The following MYLK variants were observed in gnomAD, a reference collection of about 807,000 sequenced individuals.
The protein encoded by MYLK is myosin light chain kinase, smooth muscle.
Under a neutral mutation model 203.4 loss-of-function variants are expected in MYLK, and 106 were observed. That is an observed-to-expected ratio of 0.52 (90% CI 0.45 to 0.61). The LOEUF (loss-of-function observed/expected upper bound fraction) is 0.61, where lower values mean the gene tolerates loss of function less well. MYLK is among the 20% of genes least tolerant of loss of function. The pLI is 0.00. For synonymous variants in MYLK, 867 were observed against 959.5 expected (o/e 0.90, Z 1.78); for missense variants, 2,072 against 2,442.3 (o/e 0.85, Z 3.20).
chr3:123,683,632 CCTCTCTGCT>C, intron 19 of MYLK, among the ~76,000 whole-genome samples: 1 of 152,198 alleles, frequency 6.6e-6, no homozygotes, highest in African/African-American at 2.4e-5. Context: ...GTGCCTGCCT[CCTCTCTGCT>C]ATGGGTAATC....
intron 15 of MYLK, 147 bp from the exon 16 acceptor site, chr3:123,708,150 T>C (rs1164806690): frequency 3.7e-5 from 42 of 1,129,702 alleles, no homozygotes; most frequent in Non-Finnish European, 5.2e-5. Context: ...GATACACAAA[T>C]GCAGCACACC....
At chr3:123,791,756 A>G (rs1013917497) in intron 4 of MYLK, among the ~76,000 whole-genome samples, 16 of 152,264 alleles carry the variant, frequency 1.1e-4, no homozygotes, top group African/African-American at 3.6e-4. Context: ...ATTTTCACAT[A>G]GAAAAAGCTA....
intron 3 of MYLK, among the ~76,000 whole-genome samples, chr3:123,809,667 T>C (rs568144131): frequency 2.0e-5 from 3 of 152,252 alleles, no homozygotes; most frequent in Admixed American, 6.5e-5. Flanking sequence ...AGACACACTA[T>C]CCTAAACCTC....
intron 16 of MYLK, among the ~76,000 whole-genome samples, chr3:123,703,779 T>C (rs2061344109): frequency 6.6e-6 from 1 of 152,218 alleles, no homozygotes; most frequent in South Asian, 2.1e-4. Flanking sequence ...TGGGTTGACA[T>C]GGAGCAGGAA....
intron 20 of MYLK, among the ~76,000 whole-genome samples, chr3:123,668,358 T>C (rs1170575131): frequency 2.0e-5 from 3 of 152,224 alleles, no homozygotes; most frequent in Non-Finnish European, 4.4e-5. Flanking sequence ...ACACAGAACA[T>C]GGATGAATCT....
intron 5 of MYLK, among the ~76,000 whole-genome samples, chr3:123,746,379 C>A (rs1273244013): frequency 1.3e-5 from 2 of 151,878 alleles, no homozygotes; most frequent in Non-Finnish European, 2.9e-5. Flanking sequence ...AAGCCTAAAT[C>A]TACCAAAGGC....
chr3:123,812,763 C>G (rs768280295), intron 3 of MYLK, among the ~76,000 whole-genome samples: 1 of 152,210 alleles, frequency 6.6e-6, no homozygotes. Context: ...ACGGCTTCTC[C>G]GTTGACTGGG....
intron 13 of MYLK, among the ~76,000 whole-genome samples, chr3:123,720,562 C>T (rs1223471592): frequency 6.6e-6 from 1 of 152,220 alleles, no homozygotes. Context: ...ACAAGGTTCT[C>T]AGCAGTTCAG....
chr3:123,804,224 T>C (rs752562733), intron 3 of MYLK, among the ~76,000 whole-genome samples: 74 of 152,176 alleles, frequency 4.9e-4, no homozygotes, highest in Non-Finnish European at 8.5e-4. Flanking sequence ...ATTTGAGTTA[T>C]TTTGAAACAG....
At chr3:123,844,821 T>C (rs2066673618) in intron 2 of MYLK, among the ~76,000 whole-genome samples, 1 of 76,088 alleles carries the variant, frequency 1.3e-5, no homozygotes, top group Non-Finnish European at 2.4e-5. Flanking sequence ...TCTCCTCAGT[T>C]GTTTTTTTTT....
chr3:123,812,213 C>T (rs577819441), intron 3 of MYLK, among the ~76,000 whole-genome samples: 65 of 152,142 alleles, frequency 4.3e-4, no homozygotes, highest in Non-Finnish European at 6.9e-4. Context: ...GGCTTCATCC[C>T]GCTCTGCTTC....
rs2057230708 is a variant in MYLK at position 123,610,781 on chromosome 3, A to T, written c.*3324T>A. 2 of 152,270 alleles carry T rather than the reference A, an allele frequency of 1.3e-5. No homozygotes were observed. Among genetic ancestry groups the T allele is most frequent in the African/African-American group, 4.8e-5 (2 of 41,482 alleles). 9.4% of individuals were successfully genotyped at this position (152,270 alleles called of 1,614,324 possible). A position where few individuals can be genotyped will look rare whatever the true frequency, so the allele number is the denominator to read the frequency against. On this transcript the variant is annotated 3_prime_UTR_variant, in exon 34 of 34. Coordinates refer to ENST00000360304, the MANE Select transcript of MYLK (RefSeq NM_053025.4). Reference sequence around the variant, plus strand: ...TTACCTCCTATGTACTTATTAGCACAGATTTATCAAAAACAGGTGAGGTGT... The same window carrying T: ...TTACCTCCTATGTACTTATTAGCACTGATTTATCAAAAACAGGTGAGGTGT...
At chr3:123,773,039 T>C (rs2108993269) in intron 4 of MYLK, among the ~76,000 whole-genome samples, 1 of 152,226 alleles carries the variant, frequency 6.6e-6, no homozygotes, top group African/African-American at 2.4e-5. Context: ...TTAGGAATTA[T>C]CAAAGATGTC....
chr3:123,653,958 C>T (rs115069569), intron 24 of MYLK, among the ~76,000 whole-genome samples: 1,991 of 151,922 alleles, frequency 0.013, 38 homozygotes, highest in Non-Finnish European at 0.02. Context: ...CTCTATGCAG[C>T]CCCCACTCTG....
chr3:123,722,912 G>A (rs115445445), intron 12 of MYLK, among the ~76,000 whole-genome samples: 4 of 151,320 alleles, frequency 2.6e-5, no homozygotes, highest in African/African-American at 4.8e-5. Flanking sequence ...AAAATGACTC[G>A]GCTCCTTTTT....
chr3:123,650,225 G>T (rs533573814), intron 24 of MYLK, among the ~76,000 whole-genome samples: 1 of 152,316 alleles, frequency 6.6e-6, no homozygotes, highest in Admixed American at 6.5e-5. Context: ...AGGAAGGGTT[G>T]CACCTGATGT....
At chr3:123,865,595 T>C (rs1470258999) in intron 2 of MYLK, among the ~76,000 whole-genome samples, 1 of 152,222 alleles carries the variant, frequency 6.6e-6, no homozygotes, top group Non-Finnish European at 1.5e-5. Flanking sequence ...TGGCAGACTC[T>C]GTCCTGAAGA....
chr3:123,777,472 G>A (rs2064121595), intron 4 of MYLK, among the ~76,000 whole-genome samples: 1 of 152,224 alleles, frequency 6.6e-6, no homozygotes, highest in South Asian at 2.1e-4. Flanking sequence ...AGAGGTCAAG[G>A]TGAACTGGTC....
At chr3:123,759,313 C>T (rs187523749) in intron 4 of MYLK, among the ~76,000 whole-genome samples, 3 of 152,290 alleles carry the variant, frequency 2.0e-5, no homozygotes, top group Admixed American at 1.3e-4. Context: ...GCTGTACTCT[C>T]ACCATGGGTC....
Sources: allele counts gnomAD v4.1 joint callset (sites outside exome capture counted in the v4.1 genomes callset), GRCh38; gene constraint gnomAD v4.1.1; transcripts MANE v1.5; gene names NCBI Gene and HGNC (gene_info 2026-07-23, HGNC 2026-07-21).